Variants in GRK5 observed in about 807,000 individuals in gnomAD.
The protein encoded by GRK5 is G protein-coupled receptor kinase 5, also known as g protein-coupled receptor kinase GRK5.
GRK5 carries 40 observed loss-of-function variants against 78.4 expected under a neutral mutation model. The observed-to-expected ratio is 0.51, with a 90% CI of 0.40 to 0.66. The LOEUF is 0.66. Ranked by LOEUF, GRK5 falls within the 30% of genes least tolerant of loss-of-function variation. The pLI is 0.00. For synonymous variants in GRK5, 289 were observed against 296.8 expected (o/e 0.97, Z 0.27); for missense variants, 598 against 759.9 (o/e 0.79, Z 2.50).
intron 1 of GRK5, among the ~76,000 whole-genome samples, chr10:119,214,480 C>A (rs1490622337): frequency 7.2e-5 from 11 of 152,234 alleles, no homozygotes; most frequent in African/African-American, 2.6e-4. Context: ...AGACCTGAAT[C>A]TGGAAGACAA....
intron 2 of GRK5, among the ~76,000 whole-genome samples, chr10:119,362,563 G>T (rs1213740585): frequency 2.0e-5 from 3 of 152,242 alleles, no homozygotes; most frequent in African/African-American, 7.2e-5. Context: ...GTTTATCCAG[G>T]ATATCGCAGG....
chr10:119,370,801 C>T (rs1189792773), intron 2 of GRK5, among the ~76,000 whole-genome samples: 2 of 152,162 alleles, frequency 1.3e-5, no homozygotes, highest in Non-Finnish European at 2.9e-5. Flanking sequence ...ATCCTCTCTC[C>T]CCATGTCCAT....
Position 119,430,461 on chromosome 10 carries a change from A to T in GRK5, c.597+23A>T. The T allele has an allele frequency of 6.2e-7, 1 of 1,600,756 alleles. No homozygotes were observed. The highest frequency in any genetic ancestry group is 8.5e-7 in the Non-Finnish European group (1 of 1,169,886). ...GAGGTGAGTGAACATTCACGTTTTT[A>T]ATTGAAAGTTCTTACATTCAAGTCA... On this transcript the variant is annotated intron_variant, in intron 7 of 15. Coordinates refer to ENST00000392870, the MANE Select transcript of GRK5 (RefSeq NM_005308.3). The surrounding 1 kb of genome is among the most constrained non-coding windows in gnomAD (Gnocchi z 4.5).
chr10:119,249,513 T>A (rs967985766), intron 1 of GRK5, among the ~76,000 whole-genome samples: 1 of 151,936 alleles, frequency 6.6e-6, no homozygotes, highest in Non-Finnish European at 1.5e-5. Context: ...ATTTTACTTA[T>A]TTGAGATGGA....
intron 2 of GRK5, among the ~76,000 whole-genome samples, chr10:119,354,688 A>T (rs897011995): frequency 1.4e-4 from 22 of 152,144 alleles, no homozygotes; most frequent in Non-Finnish European, 1.2e-4. Context: ...AGCTGCACCC[A>T]GCCCATCTCC....
Position 119,255,113 on chromosome 10 carries a change from G to A in GRK5, c.52+47144G>A, listed in dbSNP as rs180861306. Among the ~76,000 whole-genome samples, 38 of 151,900 alleles carry A rather than the reference G, an allele frequency of 2.5e-4. No individual in the cohort carries two copies. The East Asian group carries it at 5.8e-3, about 23-fold the overall frequency. ...TGTGTATGTATGCGCAGGTAAGGTC[G>A]TCAGGTGGGAGGAGGCCAGGAGATG... On this transcript the variant is annotated intron_variant, in intron 1 of 15. Transcript: ENST00000392870.
chr10:119,418,039 T>C (rs968721272), intron 4 of GRK5, among the ~76,000 whole-genome samples: 1 of 152,012 alleles, frequency 6.6e-6, no homozygotes, highest in African/African-American at 2.4e-5. Flanking sequence ...AAGGAGTGAG[T>C]CATCGGGGGT....
chr10:119,293,237 T>C (rs1345424891), intron 1 of GRK5, among the ~76,000 whole-genome samples: 2 of 152,194 alleles, frequency 1.3e-5, no homozygotes, highest in Non-Finnish European at 2.9e-5. Context: ...AGACTTGAGG[T>C]GGCTGGATGC....
intron 4 of GRK5, among the ~76,000 whole-genome samples, chr10:119,421,130 T>C (rs577013531): frequency 3.2e-4 from 48 of 152,336 alleles, no homozygotes; most frequent in Middle Eastern, 3.4e-3. Context: ...TTGTATCGTC[T>C]TGCTCACGAA....
rs929657567 is a variant in GRK5 at position 119,302,811 on chromosome 10, T to C, written c.53-23705T>C. 2.0e-4 allele frequency among the ~76,000 whole-genome samples: 30 copies of C among 152,278 alleles called. 2 individuals carry two copies. The highest frequency in any genetic ancestry group is 1.8e-3 in the Admixed American group (28 of 15,304). On this transcript the variant is annotated intron_variant, in intron 1 of 15. Coordinates refer to ENST00000392870, the MANE Select transcript of GRK5 (RefSeq NM_005308.3). Reference sequence around the variant, plus strand: ...TTCCACACAGAGGCCTGGGGTTCCCTGGGGCCTCTCTGTCAGGGGCTTCTG... The same window carrying C: ...TTCCACACAGAGGCCTGGGGTTCCCCGGGGCCTCTCTGTCAGGGGCTTCTG...
At chr10:119,309,993 A>G (rs1302173646) in intron 1 of GRK5, among the ~76,000 whole-genome samples, 1 of 152,072 alleles carries the variant, frequency 6.6e-6, no homozygotes, top group Non-Finnish European at 1.5e-5. Flanking sequence ...GAGGTGGAGC[A>G]TGGAGGCCAC....
At chr10:119,345,778 T>C (rs1450341657) in intron 2 of GRK5, among the ~76,000 whole-genome samples, 1 of 151,632 alleles carries the variant, frequency 6.6e-6, no homozygotes, top group Non-Finnish European at 1.5e-5. Flanking sequence ...GGTAATAGCG[T>C]GTTTTCCAAG....
Position 119,331,374 on chromosome 10 carries a change from G to A in GRK5, c.148+4763G>A, listed in dbSNP as rs538515989. ...TGCAGCTCGTGGCCACGGGGCCAGG[G>A]TCTGGGCCTTCCCACTGTTTACAGT... On this transcript the variant is annotated intron_variant, in intron 2 of 15. Coordinates refer to ENST00000392870, the MANE Select transcript of GRK5 (RefSeq NM_005308.3). Among the ~76,000 whole-genome samples the A allele has an allele frequency of 1.2e-4, 18 of 152,382 alleles. No homozygotes were observed. In the South Asian group the frequency reaches 3.1e-3, roughly 26 times the overall value.
At chr10:119,341,881 T>C (rs72835741) in intron 2 of GRK5, among the ~76,000 whole-genome samples, 1 of 152,330 alleles carries the variant, frequency 6.6e-6, no homozygotes, top group Non-Finnish European at 1.5e-5. Flanking sequence ...AGCTGTCGCA[T>C]GTCAGTTCCG....
intron 2 of GRK5, among the ~76,000 whole-genome samples, chr10:119,328,494 C>A (rs993946488): frequency 2.0e-5 from 3 of 152,190 alleles, no homozygotes; most frequent in Non-Finnish European, 4.4e-5. Context: ...GCAAGTACCC[C>A]CTTTCTGGTG....
At chr10:119,360,619 C>G (rs1397201279) in intron 2 of GRK5, among the ~76,000 whole-genome samples, 1 of 151,616 alleles carries the variant, frequency 6.6e-6, no homozygotes, top group Non-Finnish European at 1.5e-5. Context: ...GAGGCAGGAG[C>G]CTGTGTGAGT....
Position 119,207,682 on chromosome 10 carries a change from G to A in GRK5, c.-236G>A, listed in dbSNP as rs1405671005. The A allele has an allele frequency of 2.3e-6, 1 of 426,664 alleles. No homozygotes were observed. The highest frequency in any genetic ancestry group is 3.9e-6 in the Non-Finnish European group (1 of 253,522). 26.4% of individuals were successfully genotyped at this position (426,664 alleles called of 1,614,324 possible). A position where few individuals can be genotyped will look rare whatever the true frequency, so the allele number is the denominator to read the frequency against. On this transcript the variant is annotated 5_prime_UTR_variant, in exon 1 of 16. Transcript: ENST00000392870. ...GGGGAGCGTGTTGAGGGAGGGGGGA[G>A]GGGGGACACAGAGGGAGGAAGAAGC...
intron 1 of GRK5, among the ~76,000 whole-genome samples, chr10:119,251,677 A>T (rs1425917718): frequency 6.6e-6 from 1 of 152,202 alleles, no homozygotes; most frequent in Non-Finnish European, 1.5e-5. Flanking sequence ...GCATCTACAC[A>T]CCTAAAGCAG....
In GRK5 at chr10:119,394,310, G is replaced by GTGT. The variant is rs879369072; in HGVS notation, c.262-2385_262-2384insTGT. 8.7e-3 allele frequency among the ~76,000 whole-genome samples: 105 copies of GTGT among 12,036 alleles called. 1 individual carries two copies. The highest frequency in any genetic ancestry group is 0.015 in the East Asian group (3 of 196). The allele number at this position is 12,036 out of a possible 152,430, so 7.9% of individuals were successfully genotyped here. A position where few individuals can be genotyped will look rare whatever the true frequency, so the allele number is the denominator to read the frequency against. On this transcript the variant is annotated intron_variant, in intron 3 of 15. Coordinates refer to ENST00000392870, the MANE Select transcript of GRK5 (RefSeq NM_005308.3). ...GGTGTGTATCTGTGTGTCTGTGTGG[G>GTGT]CACGTGGGTGTGTGTATCTGTGTGT... is the stretch of plus-strand genomic sequence containing the variant.
Sources: gnomAD v4.1 joint callset for allele counts (sites outside exome capture counted in the v4.1 genomes callset) on GRCh38, gnomAD v4.1.1 for gene constraint, Gnocchi (gnomAD v3.1) non-coding constraint, MANE v1.5 for transcripts, NCBI Gene and HGNC (gene_info 2026-07-23, HGNC 2026-07-21) for gene names.